MTMR4: variants seen among roughly 807,000 people sequenced by gnomAD.
MTMR4 encodes phosphatidylinositol-3,5-bisphosphate 3-phosphatase MTMR4.
MTMR4 carries 30 observed loss-of-function variants against 125.5 expected under a neutral mutation model. The observed-to-expected ratio is 0.24, with a 90% CI of 0.18 to 0.32. The LOEUF is 0.32. MTMR4 is among the 10% of genes least tolerant of loss of function. The pLI is 1.00. For synonymous variants in MTMR4, 498 were observed against 564.5 expected (o/e 0.88, Z 1.67); for missense variants, 1,039 against 1,511.5 (o/e 0.69, Z 5.18).
rs758052332 is a variant in MTMR4 at position 58,504,333 on chromosome 17, G to A, written c.1497C>T (p.Pro499=). The change falls in exon 12 of 18, where the codon CCC becomes CCT. Residue 499 remains proline, a synonymous_variant. Coordinates refer to ENST00000682306, the MANE Select transcript of MTMR4 (RefSeq NM_001378067.1). This position sits in a 1 kb window ranked among gnomAD's most constrained non-coding sequence, Gnocchi z 7.1. ...DSVHQLLKQF[P]CLFEFNEAFL... ...ATGCTTCATTAAATTCAAACAGGCAGGGGAACTGCTTAAGCAACTGATGAA... is the reference window on the plus strand; with the variant it reads ...ATGCTTCATTAAATTCAAACAGGCAAGGGAACTGCTTAAGCAACTGATGAA... The A allele has an allele frequency of 1.2e-6, 2 of 1,614,062 alleles. No homozygotes were observed. The highest frequency in any genetic ancestry group is 8.5e-7 in the Non-Finnish European group (1 of 1,179,980).
At chr17:58,511,984 C>CT (rs527911785) in intron 3 of MTMR4, among the ~76,000 whole-genome samples, 170 of 147,348 alleles carry the variant, frequency 1.2e-3, no homozygotes, top group South Asian at 1.9e-3. Flanking sequence ...GGATCCCCAA[C>CT]TTTTTTTTTT....
At chr17:58,506,910 C>G in intron 8 of MTMR4, 39 bp from the exon 9 acceptor site, 1 of 1,599,276 alleles carries the variant, frequency 6.3e-7, no homozygotes, top group Admixed American at 1.7e-5. Context: ...AGTCAGCCAG[C>G]CACCCAACCT....
chr17:58,503,780 G>A lies in MTMR4; in HGVS notation c.1817C>T (p.Ala606Val). Residue 606 changes from alanine to valine, a missense_variant, in exon 14 of 18, where the codon GCC (alanine) becomes GTC (valine). By Grantham distance (64) the Ala-to-Val change is moderately conservative (BLOSUM62 0). This residue lies in a region of MTMR4 where 619 missense variants were observed against 714.5 expected (regional missense o/e 0.87). Transcript: ENST00000682306. ...ENMDLYLSPV[A>V]QSQEFSGRSL... ...GCGGCCAGAGAACTCCTGGCTCTGGGCCACTGGGGAAAGGTAAAGATCCAT... is the reference window on the plus strand; with the variant it reads ...GCGGCCAGAGAACTCCTGGCTCTGGACCACTGGGGAAAGGTAAAGATCCAT... 1 of 1,614,134 alleles carries A rather than the reference G, an allele frequency of 6.2e-7. No individual in the cohort carries two copies. The highest frequency in any genetic ancestry group is 8.5e-7 in the Non-Finnish European group (1 of 1,179,998).
At chr17:58,506,975 C>A in intron 8 of MTMR4, 104 bp from the exon 9 acceptor site, 1 of 1,549,424 alleles carries the variant, frequency 6.5e-7, no homozygotes, top group African/African-American at 1.4e-5. Flanking sequence ...ACTAGAGACC[C>A]CTCATACCCC....
chr17:58,503,204 T>A (rs1975685932), intron 14 of MTMR4, among the ~76,000 whole-genome samples: 1 of 152,190 alleles, frequency 6.6e-6, no homozygotes, highest in African/African-American at 2.4e-5. Context: ...TGCTTGGGTA[T>A]ATCATACAGA....
Position 58,496,161 on chromosome 17 carries a change from A to C in MTMR4, c.2023T>G (p.Ser675Ala), listed in dbSNP as rs776470073. The change falls in exon 15 of 18, where the codon TCT becomes GCT. Residue 675 changes from serine (S) to alanine (A), a missense_variant. By Grantham distance (99) the Ser-to-Ala change is moderately conservative. This residue lies in a region of MTMR4 where 619 missense variants were observed against 714.5 expected (regional missense o/e 0.87). Coordinates refer to ENST00000682306, the MANE Select transcript of MTMR4 (RefSeq NM_001378067.1). ...GTTTGCTGAGGCCCTCCTACCCCAG[A>C]GTCCACAAAGCTTGTCTCTGATCCC... ...PEGSETSFVD[S>A]GVGGPQQTVG... 1.2e-6 allele frequency: 2 copies of C among 1,614,198 alleles called. No homozygotes were observed. The highest frequency in any genetic ancestry group is 1.7e-5 in the Admixed American group (1 of 60,018).
intron 14 of MTMR4, among the ~76,000 whole-genome samples, chr17:58,499,472 G>C (rs970871577): frequency 6.6e-6 from 1 of 151,982 alleles, no homozygotes; most frequent in Non-Finnish European, 1.5e-5. Context: ...ACTTGAACCC[G>C]GTGGGCGGAG....
intron 14 of MTMR4, among the ~76,000 whole-genome samples, chr17:58,497,525 A>T (rs1237277693): frequency 6.6e-6 from 1 of 152,232 alleles, no homozygotes; most frequent in African/African-American, 2.4e-5. Flanking sequence ...TATGAAGATT[A>T]AACAAAAGAA....
chr17:58,494,363 AT>A (rs2098364798), intron 15 of MTMR4, among the ~76,000 whole-genome samples: 2 of 151,406 alleles, frequency 1.3e-5, no homozygotes, highest in African/African-American at 4.9e-5. Context: ...TGCAAGAGTC[AT>A]TTTCTTAAAC....
chr17:58,493,633 C>T (rs150202200), intron 15 of MTMR4, among the ~76,000 whole-genome samples: 311 of 152,272 alleles, frequency 2.0e-3, no homozygotes, highest in African/African-American at 6.9e-3. Flanking sequence ...AGACTACAGG[C>T]GTGAGCCACA....
At chr17:58,517,431 T>C (rs2042032418), upstream of MTMR4, among the ~76,000 whole-genome samples, 1 of 152,242 alleles carries the variant, frequency 6.6e-6, no homozygotes, top group Non-Finnish European at 1.5e-5. Context: ...CCTCCATCTG[T>C]GGTACTGCCC....
At position 58,512,509 on chromosome 17, in the gene MTMR4, G is replaced by T; in HGVS notation, c.136-3C>A. 6.2e-7 allele frequency: 1 copy of T among 1,611,064 alleles called. No individual in the cohort carries two copies. Among genetic ancestry groups the T allele is most frequent in the Non-Finnish European group, 8.5e-7 (1 of 1,177,290 alleles). On this transcript the variant is annotated splice_polypyrimidine_tract_variant and splice_region_variant and intron_variant, in intron 2 of 17. Transcript: ENST00000682306. The surrounding 1 kb of genome is among the most constrained non-coding windows in gnomAD (Gnocchi z 4.1). Reference sequence around the variant, plus strand: ...CCCTGCAGCACTGTGAAGGGGACCTGTCAAGGGGCAGAGAAACCTTCAGTC... The same window carrying T: ...CCCTGCAGCACTGTGAAGGGGACCTTTCAAGGGGCAGAGAAACCTTCAGTC...
At position 58,508,537 on chromosome 17, in the gene MTMR4, G is replaced by C; in HGVS notation, c.524C>G (p.Ala175Gly). 7.4e-6 allele frequency: 12 copies of C among 1,614,194 alleles called. No homozygotes were observed. Among genetic ancestry groups the C allele is most frequent in the Non-Finnish European group, 9.3e-6 (11 of 1,180,040 alleles). ...PGEHIRCRQE[A>G]ELARMGFDLQ... is the part of the protein sequence containing the mutation. ...GTCAAAGCCCATCCTTGCAAGCTCC[G>C]CCTCCTGTCGACAACGTATGTGCTC... is the stretch of plus-strand genomic sequence containing the variant. Residue 175 changes from alanine to glycine, a missense_variant, in exon 6 of 18, where the codon GCG becomes GGG. By Grantham distance (60) the Ala-to-Gly change is moderately conservative. Transcript: ENST00000682306. The surrounding 1 kb of genome is among the most constrained non-coding windows in gnomAD (Gnocchi z 4.8).
In MTMR4 at chr17:58,490,313, T is replaced by C. The variant is rs903521033; in HGVS notation, c.*1350A>G. Reference sequence around the variant, plus strand: ...GTATAAAGTCCTAGTGGTTTCATTATAGGCCAAGGAGACTGTATCTGTCCC... The same window carrying C: ...GTATAAAGTCCTAGTGGTTTCATTACAGGCCAAGGAGACTGTATCTGTCCC... On this transcript the variant is annotated 3_prime_UTR_variant, in exon 18 of 18. Transcript: ENST00000682306. 1.3e-5 allele frequency: 2 copies of C among 152,652 alleles called. No homozygotes were observed. Among genetic ancestry groups the C allele is most frequent in the Non-Finnish European group, 2.9e-5 (2 of 68,034 alleles). 9.5% of individuals were successfully genotyped at this position (152,652 alleles called of 1,614,324 possible). A position where few individuals can be genotyped will look rare whatever the true frequency, so the allele number is the denominator to read the frequency against.
rs761663340 is a variant in MTMR4, at chr17:58,495,378, C to T, written c.2806G>A (p.Ala936Thr). Reference sequence around the variant, plus strand: ...TAGGAAAGCAGCCGCCGAGGGGTGGCCTCCCCACTTGGGAATGAAGTCACC... The same window carrying T: ...TAGGAAAGCAGCCGCCGAGGGGTGGTCTCCCCACTTGGGAATGAAGTCACC... ...GMVTSFPSGEATPRRLLSYGC... is the reference protein window; with the variant it reads ...GMVTSFPSGETTPRRLLSYGC... Residue 936 changes from alanine (A) to threonine (T), a missense_variant, in exon 15 of 18, where the codon GCC becomes ACC. This residue lies in a region of MTMR4 where 619 missense variants were observed against 714.5 expected (regional missense o/e 0.87). Transcript: ENST00000682306. 2 of 1,614,234 alleles carry T rather than the reference C, an allele frequency of 1.2e-6. No individual in the cohort carries two copies.
upstream of MTMR4, among the ~76,000 whole-genome samples, chr17:58,515,945 C>T (rs1212004444): frequency 1.3e-5 from 2 of 152,218 alleles, no homozygotes; most frequent in Admixed American, 6.5e-5. Context: ...ACTGCCTCCT[C>T]CTAGCTCTTA....
chr17:58,500,242 TC>T (rs1001196185), intron 14 of MTMR4, among the ~76,000 whole-genome samples: 4 of 152,148 alleles, frequency 2.6e-5, no homozygotes, highest in Non-Finnish European at 5.9e-5. Flanking sequence ...TCCTCCTACG[TC>T]AGCCCTCCAA....
chr17:58,505,018 G>A lies in MTMR4; in HGVS notation c.1146-44C>T, dbSNP rs773507739. The A allele has an allele frequency of 7.1e-6, 11 of 1,538,478 alleles. 1 individual carries two copies. The South Asian group carries it at 1.2e-4, about 17-fold the overall frequency. On this transcript the variant is annotated intron_variant, in intron 10 of 17. Coordinates refer to ENST00000682306, the MANE Select transcript of MTMR4 (RefSeq NM_001378067.1). ...CAAGTCGGTCACAAAGGGTGCTGAGGCCACAGCAGTCTCTCCACCATCCAC... is the reference window on the plus strand; with the variant it reads ...CAAGTCGGTCACAAAGGGTGCTGAGACCACAGCAGTCTCTCCACCATCCAC...
chr17:58,501,322 G>A (rs1975621107), intron 14 of MTMR4, among the ~76,000 whole-genome samples: 1 of 152,050 alleles, frequency 6.6e-6, no homozygotes, highest in Non-Finnish European at 1.5e-5. Context: ...ACTAACCTGG[G>A]CAACAGACCC....
Sources: gnomAD v4.1 joint callset for allele counts (sites outside exome capture counted in the v4.1 genomes callset) on GRCh38, gnomAD v4.1.1 for gene constraint, gnomAD v4.1.1 regional missense constraint, Gnocchi (gnomAD v3.1) non-coding constraint, MANE v1.5 for transcripts, NCBI Gene and HGNC (gene_info 2026-07-23, HGNC 2026-07-21) for gene names.